TSPAN5: variants seen among roughly 807,000 people sequenced by gnomAD.
TSPAN5 encodes the protein tetraspanin 5, also known as tetraspanin-5.
TSPAN5 carries 10 observed loss-of-function variants against 37.1 expected under a neutral mutation model. The observed-to-expected ratio is 0.27, with a 90% CI of 0.17 to 0.46. The LOEUF (loss-of-function observed/expected upper bound fraction) is 0.46. Among genes scored for constraint, TSPAN5 ranks in the 20% least tolerant of loss-of-function variants. TSPAN5 has a pLI of 1.00. For synonymous variants in TSPAN5, 110 were observed against 118.9 expected (o/e 0.93, Z 0.48); for missense variants, 195 against 326.6 (o/e 0.60, Z 3.11).
chr4:98,589,598 T>C (rs540858557), intron 1 of TSPAN5, among the ~76,000 whole-genome samples: 1 of 152,340 alleles, frequency 6.6e-6, no homozygotes, highest in South Asian at 2.1e-4. Flanking sequence ...TAATTGCTTC[T>C]TTTCTCCAAC....
intron 2 of TSPAN5, among the ~76,000 whole-genome samples, chr4:98,496,054 AAC>A (rs1033780084): frequency 2.0e-5 from 3 of 152,168 alleles, no homozygotes; most frequent in African/African-American, 7.2e-5. Context: ...TCCTACTGAC[AAC>A]AGTTTTCCTA....
chr4:98,534,447 A>G (rs905621685), intron 1 of TSPAN5, among the ~76,000 whole-genome samples: 1 of 152,182 alleles, frequency 6.6e-6, no homozygotes, highest in African/African-American at 2.4e-5. Flanking sequence ...TATGTGGTCA[A>G]TTTTAGAATA....
At chr4:98,538,312 C>A (rs1754282677) in intron 1 of TSPAN5, among the ~76,000 whole-genome samples, 1 of 152,224 alleles carries the variant, frequency 6.6e-6, no homozygotes, top group Non-Finnish European at 1.5e-5. Flanking sequence ...ATCAGTAAGT[C>A]TGGCTTAGGA....
At chr4:98,542,245 T>C (rs1195937952) in intron 1 of TSPAN5, among the ~76,000 whole-genome samples, 2 of 152,230 alleles carry the variant, frequency 1.3e-5, no homozygotes, top group African/African-American at 2.4e-5. Context: ...CTCACATCCG[T>C]TCCACCCATG....
chr4:98,619,040 T>C (rs766599134), intron 1 of TSPAN5, among the ~76,000 whole-genome samples: 9 of 152,084 alleles, frequency 5.9e-5, no homozygotes, highest in Admixed American at 2.0e-4. Context: ...ATAAACATGA[T>C]CAGCCCCATA....
intron 2 of TSPAN5, among the ~76,000 whole-genome samples, chr4:98,503,275 G>A (rs1452645261): frequency 1.3e-5 from 2 of 152,076 alleles, no homozygotes; most frequent in African/African-American, 2.4e-5. Context: ...AGGGGAGAAA[G>A]GACGCAATCC....
At chr4:98,656,910 A>G (rs1757304998) in intron 1 of TSPAN5, among the ~76,000 whole-genome samples, 1 of 152,228 alleles carries the variant, frequency 6.6e-6, no homozygotes, top group Admixed American at 6.5e-5. Flanking sequence ...CAAACAGCCC[A>G]AATTAAAGGA....
chr4:98,494,515 A>G (rs577350975), intron 2 of TSPAN5, among the ~76,000 whole-genome samples: 1 of 151,846 alleles, frequency 6.6e-6, no homozygotes, highest in East Asian at 2.0e-4. Context: ...CAATTTCTGT[A>G]TCTGTGAAAA....
chr4:98,626,544 C>G (rs1465000977), intron 1 of TSPAN5, among the ~76,000 whole-genome samples: 2 of 152,076 alleles, frequency 1.3e-5, no homozygotes, highest in Non-Finnish European at 2.9e-5. Flanking sequence ...CTCCTCTCCC[C>G]TCCTGCTTGG....
At chr4:98,636,746 T>C (rs901468952) in intron 1 of TSPAN5, among the ~76,000 whole-genome samples, 9 of 152,194 alleles carry the variant, frequency 5.9e-5, no homozygotes, top group African/African-American at 1.7e-4. Context: ...TGGACTGAAA[T>C]GTCAAATGTA....
At chr4:98,622,756 C>T (rs1756509527) in intron 1 of TSPAN5, among the ~76,000 whole-genome samples, 1 of 152,068 alleles carries the variant, frequency 6.6e-6, no homozygotes, top group Non-Finnish European at 1.5e-5. Flanking sequence ...TGAGACTCAG[C>T]AGGTCATGGG....
intron 2 of TSPAN5, among the ~76,000 whole-genome samples, chr4:98,506,603 C>A (rs1274297561): frequency 6.6e-6 from 1 of 152,154 alleles, no homozygotes; most frequent in Non-Finnish European, 1.5e-5. Flanking sequence ...GTTGACTGGA[C>A]CTTCCCAGTT....
intron 2 of TSPAN5, among the ~76,000 whole-genome samples, chr4:98,488,370 AG>A (rs910383079): frequency 6.6e-6 from 1 of 152,086 alleles, no homozygotes; most frequent in African/African-American, 2.4e-5. Flanking sequence ...TTCTTCCTTT[AG>A]GGGGGTGTCA....
At chr4:98,598,827 C>A (rs1052094170) in intron 1 of TSPAN5, among the ~76,000 whole-genome samples, 1 of 152,100 alleles carries the variant, frequency 6.6e-6, no homozygotes, top group Non-Finnish European at 1.5e-5. Context: ...TCATTTTCTA[C>A]GTTCAAAGGC....
chr4:98,539,603 C>A (rs1266724196), intron 1 of TSPAN5, among the ~76,000 whole-genome samples: 2 of 151,918 alleles, frequency 1.3e-5, no homozygotes, highest in African/African-American at 2.4e-5. Flanking sequence ...TTGTATCTTG[C>A]AATACTCTAG....
intron 1 of TSPAN5, among the ~76,000 whole-genome samples, chr4:98,614,549 G>T (rs1366902741): frequency 1.3e-5 from 2 of 151,966 alleles, no homozygotes; most frequent in Admixed American, 1.3e-4. Flanking sequence ...AGGTCAAGAG[G>T]GGCTTGAGCC....
At chr4:98,615,907 G>A (rs1456408306) in intron 1 of TSPAN5, among the ~76,000 whole-genome samples, 1 of 152,170 alleles carries the variant, frequency 6.6e-6, no homozygotes, top group Non-Finnish European at 1.5e-5. Context: ...ACAAAGTTCT[G>A]CGAAATGTCA....
intron 1 of TSPAN5, among the ~76,000 whole-genome samples, chr4:98,584,152 G>A (rs905424183): frequency 2.0e-5 from 3 of 152,072 alleles, no homozygotes; most frequent in Admixed American, 1.3e-4. Context: ...TGTTACCCAG[G>A]CTGGAGTCTA....
At chr4:98,658,036 C>T in intron 1 of TSPAN5, 110 bp downstream of exon 1, 1 of 964,548 alleles carries the variant, frequency 1.0e-6, no homozygotes. Flanking sequence ...TATGCTGCTC[C>T]GGCAAGCGCC....
Sources: gnomAD v4.1 joint callset for allele counts (sites outside exome capture counted in the v4.1 genomes callset) on GRCh38, gnomAD v4.1.1 for gene constraint, MANE v1.5 for transcripts, NCBI Gene and HGNC (gene_info 2026-07-23, HGNC 2026-07-21) for gene names.